Variants in MED13L observed in about 807,000 individuals in gnomAD.
MED13L encodes mediator of RNA polymerase II transcription subunit 13-like.
A neutral mutation model predicts 220.9 loss-of-function variants in MED13L; 7 were observed. The observed-to-expected ratio is 0.03, with a 90% CI of 0.02 to 0.06. The LOEUF is 0.06. MED13L is among the 10% of genes least tolerant of loss of function. The pLI, the probability that MED13L is intolerant of heterozygous loss-of-function variation, is 1.00. For missense variants in MED13L, 1,965 were observed against 2,760.5 expected, an observed-to-expected ratio of 0.71 and a Z score of 6.46; for synonymous variants, 1,011 against 1,015.2, an observed-to-expected ratio of 1.00 and a Z score of 0.08.
intron 30 of MED13L, among the ~76,000 whole-genome samples, chr12:115,962,366 CT>C (rs1233184315): frequency 1.3e-5 from 2 of 152,174 alleles, no homozygotes; most frequent in Non-Finnish European, 2.9e-5. Context: ...GTTTGTGCCC[CT>C]ATGAGAATCT....
intron 16 of MED13L, 117 bp downstream of exon 16, chr12:115,996,359 T>TG: frequency 5.1e-6 from 6 of 1,174,906 alleles, no homozygotes; most frequent in Non-Finnish European, 7.5e-6. Context: ...CCCAAAGTGC[T>TG]GGGATTACAG....
chr12:116,052,076 CAT>C (rs1868553024), intron 4 of MED13L, among the ~76,000 whole-genome samples: 1 of 101,638 alleles, frequency 9.8e-6, no homozygotes, highest in Non-Finnish European at 2.6e-5. Flanking sequence ...TACCTACACA[CAT>C]ACACACACAC....
At chr12:115,973,787 T>C (rs945621499) in intron 25 of MED13L, among the ~76,000 whole-genome samples, 2 of 152,166 alleles carry the variant, frequency 1.3e-5, no homozygotes, top group African/African-American at 4.8e-5. Flanking sequence ...GATATTCCTT[T>C]AAAAAATGAA....
intron 4 of MED13L, among the ~76,000 whole-genome samples, chr12:116,031,803 A>AAG (rs1566021046): frequency 4.2e-4 from 38 of 89,606 alleles, no homozygotes; most frequent in East Asian, 1.8e-3. Flanking sequence ...AAGGAAGGAA[A>AAG]GAAAGAGAGA....
At position 116,006,360 on chromosome 12, in the gene MED13L, G is replaced by T. The variant is rs376297513; in HGVS notation, c.2290C>A (p.Pro764Thr). Residue 764 changes from proline (P) to threonine (T), a missense_variant, in exon 12 of 31, where the codon CCG becomes ACG. Around this residue, in one of 10 missense-constraint regions of MED13L, gnomAD observed 818 missense variants for 1,041.2 expected, o/e 0.79. Transcript: ENST00000281928. ...ATGGCATTTTTCCCATCAGGCACCG[G>T]CGTGGAATGACCTGGTGTAGTGACA... ...KDVTTPGHSTPVPDGKNAMSI... is the reference protein window; with the variant it reads ...KDVTTPGHSTTVPDGKNAMSI... 7.4e-6 allele frequency: 12 copies of T among 1,613,890 alleles called. No homozygotes were observed. The highest frequency in any genetic ancestry group is 1.0e-5 in the Non-Finnish European group (12 of 1,179,948).
chr12:116,104,693 G>T (rs959153745), intron 3 of MED13L, among the ~76,000 whole-genome samples: 1 of 152,114 alleles, frequency 6.6e-6, no homozygotes, highest in African/African-American at 2.4e-5. Flanking sequence ...AACTTCAAAA[G>T]ACCCAAGTAA....
At chr12:116,025,911 C>T (rs565856167) in intron 4 of MED13L, among the ~76,000 whole-genome samples, 2 of 152,192 alleles carry the variant, frequency 1.3e-5, no homozygotes, top group African/African-American at 4.8e-5. Flanking sequence ...TTGTTAATTA[C>T]CCTGATTTGA....
chr12:116,003,627 G>C (rs533702047), intron 13 of MED13L, among the ~76,000 whole-genome samples: 5 of 151,598 alleles, frequency 3.3e-5, no homozygotes, highest in African/African-American at 1.2e-4. Flanking sequence ...GTTTTTCTCT[G>C]ATCTGTTATT....
chr12:116,233,670 T>C (rs1468102394), intron 2 of MED13L, among the ~76,000 whole-genome samples: 3 of 152,226 alleles, frequency 2.0e-5, no homozygotes, highest in Non-Finnish European at 4.4e-5. Context: ...TAAGTACTTT[T>C]AATTTTTCTT....
At chr12:116,035,272 AG>A (rs1403334247) in intron 4 of MED13L, among the ~76,000 whole-genome samples, 1 of 152,182 alleles carries the variant, frequency 6.6e-6, no homozygotes, top group Non-Finnish European at 1.5e-5. Context: ...AGAAATATAA[AG>A]GGGGAAAAAT....
At chr12:116,147,257 T>C (rs1877602398) in intron 2 of MED13L, among the ~76,000 whole-genome samples, 1 of 152,220 alleles carries the variant, frequency 6.6e-6, no homozygotes, top group African/African-American at 2.4e-5. Context: ...TCTGATATCA[T>C]TTATCATTTC....
At chr12:116,045,498 T>A (rs1881778561) in intron 4 of MED13L, among the ~76,000 whole-genome samples, 1 of 152,202 alleles carries the variant, frequency 6.6e-6, no homozygotes, top group East Asian at 1.9e-4. Context: ...GAGCTCTTCC[T>A]TTACTAGCCC....
At chr12:116,256,610 A>T (rs1424484618) in intron 1 of MED13L, among the ~76,000 whole-genome samples, 2 of 152,116 alleles carry the variant, frequency 1.3e-5, no homozygotes, top group Non-Finnish European at 2.9e-5. Flanking sequence ...AGTATACCTC[A>T]ATAAATGTAA....
chr12:116,209,303 G>A (rs1882549796), intron 2 of MED13L, among the ~76,000 whole-genome samples: 1 of 152,118 alleles, frequency 6.6e-6, no homozygotes, highest in Admixed American at 6.5e-5. Context: ...TACAAACCAA[G>A]GAGGTGTACC....
intron 17 of MED13L, among the ~76,000 whole-genome samples, chr12:115,989,868 C>A (rs920233673): frequency 1.3e-5 from 2 of 149,682 alleles, no homozygotes; most frequent in African/African-American, 4.8e-5. Context: ...CACTAACCTC[C>A]TTGTCTCCCC....
chr12:116,157,550 G>A lies in MED13L; in HGVS notation c.311-46038C>T, dbSNP rs190071774. 5.3e-4 allele frequency among the ~76,000 whole-genome samples: 81 copies of A among 152,314 alleles called. 1 individual carries two copies. Among genetic ancestry groups the A allele is most frequent in the East Asian group, 4.0e-3 (21 of 5,188 alleles). Reference sequence around the variant, plus strand: ...TACTCCTTTCTTTGGCAACGGTTTTGTCTAAGTCTCCTCTTCTCAACATAA... The same window carrying A: ...TACTCCTTTCTTTGGCAACGGTTTTATCTAAGTCTCCTCTTCTCAACATAA... On this transcript the variant is annotated intron_variant, in intron 2 of 30. Coordinates refer to ENST00000281928, the MANE Select transcript of MED13L (RefSeq NM_015335.5).
chr12:116,267,935 G>GC (rs1215109865), intron 1 of MED13L, among the ~76,000 whole-genome samples: 4 of 152,126 alleles, frequency 2.6e-5, no homozygotes, highest in Non-Finnish European at 5.9e-5. Flanking sequence ...ATATTACCAA[G>GC]CCACAGTACA....
At chr12:115,996,969 A>G (rs1457760525) in intron 15 of MED13L, 41 bp downstream of exon 15, 12 of 1,572,070 alleles carry the variant, frequency 7.6e-6, no homozygotes, top group East Asian at 4.5e-5. Flanking sequence ...ATCCACTTGG[A>G]AACTGCTCTG....
chr12:116,275,615 A>G (rs1873753116), intron 1 of MED13L, among the ~76,000 whole-genome samples: 1 of 152,240 alleles, frequency 6.6e-6, no homozygotes, highest in African/African-American at 2.4e-5. Context: ...GTAACTAATT[A>G]CAATTTGAAC....
Sources: gnomAD v4.1 joint callset for allele counts (sites outside exome capture counted in the v4.1 genomes callset) on GRCh38, gnomAD v4.1.1 for gene constraint, gnomAD v4.1.1 regional missense constraint, MANE v1.5 for transcripts, NCBI Gene and HGNC (gene_info 2026-07-23, HGNC 2026-07-21) for gene names.